LRRN1: variants seen among roughly 807,000 people sequenced by gnomAD.
LRRN1 encodes leucine-rich repeat neuronal protein 1.
LRRN1 carries 14 observed loss-of-function variants against 45.8 expected under a neutral mutation model. The observed-to-expected ratio is 0.31, with a 90% CI of 0.20 to 0.48. LRRN1 has a LOEUF of 0.48. Ranked by LOEUF, LRRN1 falls within the 20% of genes least tolerant of loss-of-function variation. The pLI is 0.99. For synonymous variants in LRRN1, 359 were observed against 330.1 expected (o/e 1.09, Z -0.95); for missense variants, 789 against 874.2 (o/e 0.90, Z 1.23).
chr3:3,841,448 C>CT (rs1257643533), intron 1 of LRRN1, among the ~76,000 whole-genome samples: 4 of 152,188 alleles, frequency 2.6e-5, no homozygotes, highest in Admixed American at 2.0e-4. Context: ...CAAGATTACT[C>CT]TAAACAGAAA....
At chr3:3,811,426 C>T (rs1361568803) in intron 1 of LRRN1, among the ~76,000 whole-genome samples, 2 of 152,182 alleles carry the variant, frequency 1.3e-5, no homozygotes, top group Non-Finnish European at 2.9e-5. Context: ...CCTATAAAAG[C>T]ATTTGGCACA....
intron 1 of LRRN1, among the ~76,000 whole-genome samples, chr3:3,828,982 CTTTT>C (rs1255994758): frequency 7.5e-6 from 1 of 133,120 alleles, no homozygotes. Flanking sequence ...GTTGTGTTTT[CTTTT>C]CTTTCTTTTT....
chr3:3,843,349 G>A (rs1473905934), intron 1 of LRRN1, among the ~76,000 whole-genome samples: 3 of 152,176 alleles, frequency 2.0e-5, no homozygotes, highest in Admixed American at 6.5e-5. Context: ...CCAATGGTAT[G>A]ACAGAATGAA....
chr3:3,842,070 G>C (rs1337219002), intron 1 of LRRN1, among the ~76,000 whole-genome samples: 1 of 152,114 alleles, frequency 6.6e-6, no homozygotes, highest in Non-Finnish European at 1.5e-5. Context: ...AACCTGTATA[G>C]CATGTTACTA....
At chr3:3,819,499 G>A (rs1016549907) in intron 1 of LRRN1, among the ~76,000 whole-genome samples, 3 of 152,144 alleles carry the variant, frequency 2.0e-5, no homozygotes, top group African/African-American at 4.8e-5. Flanking sequence ...GCTTCTGGGG[G>A]TTTGCTGGCA....
chr3:3,827,475 A>G lies in LRRN1; in HGVS notation c.-278-16889A>G, dbSNP rs999236827. The G allele has an allele frequency of 1.1e-5, 5 of 456,536 alleles. No homozygotes were observed. In the East Asian group the frequency reaches 2.1e-4, roughly 19 times the overall value. The allele number at this position is 456,536 out of a possible 1,614,324, so 28.3% of individuals were successfully genotyped here. A position where few individuals can be genotyped will look rare whatever the true frequency, so the allele number is the denominator to read the frequency against. Reference sequence around the variant, plus strand: ...TTGCCTCATGGAGTAGCTACAGGCAATGTTGGTGTTGAGGCAATCTATTTT... The same window carrying G: ...TTGCCTCATGGAGTAGCTACAGGCAGTGTTGGTGTTGAGGCAATCTATTTT... On this transcript the variant is annotated intron_variant, in intron 1 of 1. Transcript: ENST00000319331.
At chr3:3,834,446 A>G (rs1451212271) in intron 1 of LRRN1, among the ~76,000 whole-genome samples, 2 of 142,116 alleles carry the variant, frequency 1.4e-5, no homozygotes, top group Non-Finnish European at 3.0e-5. Flanking sequence ...AAAGAACTCC[A>G]TCCTTTAATA....
At chr3:3,812,350 T>TA (rs1400803414) in intron 1 of LRRN1, among the ~76,000 whole-genome samples, 20 of 152,142 alleles carry the variant, frequency 1.3e-4, no homozygotes, top group Admixed American at 5.2e-4. Context: ...AACTGACACT[T>TA]ATTTAAGCCA....
intron 1 of LRRN1, chr3:3,827,486 G>C: frequency 2.2e-6 from 1 of 456,610 alleles, no homozygotes; most frequent in South Asian, 1.5e-5. Context: ...TGTTGGTGTT[G>C]AGGCAATCTA....
At chr3:3,820,151 G>A (rs1181491930) in intron 1 of LRRN1, among the ~76,000 whole-genome samples, 2 of 152,114 alleles carry the variant, frequency 1.3e-5, no homozygotes, top group Admixed American at 6.5e-5. Context: ...TGCCCTGCTA[G>A]TTTTTAGAAT....
In LRRN1 at chr3:3,848,442, C is replaced by A. The variant is rs78611274; in HGVS notation, c.*1650C>A. ...TTCAAAAGGCAGCTGCCGCCAGGCACACAGCATTCCATCAGACAGGTGCCA... is the reference window on the plus strand; with the variant it reads ...TTCAAAAGGCAGCTGCCGCCAGGCAAACAGCATTCCATCAGACAGGTGCCA... On this transcript the variant is annotated 3_prime_UTR_variant, in exon 2 of 2. Coordinates refer to ENST00000319331, the MANE Select transcript of LRRN1 (RefSeq NM_020873.7). 5.9e-3 allele frequency among the ~76,000 whole-genome samples: 898 copies of A among 152,278 alleles called. 9 individuals are homozygous for A. Among genetic ancestry groups the A allele is most frequent in the Non-Finnish European group, 5.7e-3 (385 of 68,018 alleles).
At chr3:3,817,250 G>A (rs1310241275) in intron 1 of LRRN1, among the ~76,000 whole-genome samples, 6 of 152,102 alleles carry the variant, frequency 3.9e-5, no homozygotes, top group African/African-American at 1.4e-4. Context: ...TTTTCTTGCG[G>A]CGATTAAAAA....
chr3:3,800,437 G>A (rs1008204638), intron 1 of LRRN1, among the ~76,000 whole-genome samples: 5 of 152,198 alleles, frequency 3.3e-5, no homozygotes, highest in Non-Finnish European at 5.9e-5. Context: ...CTTGGCGGTG[G>A]CCTTGGTAAG....
At chr3:3,813,557 G>A (rs1255918970) in intron 1 of LRRN1, among the ~76,000 whole-genome samples, 1 of 152,008 alleles carries the variant, frequency 6.6e-6, no homozygotes, top group African/African-American at 2.4e-5. Flanking sequence ...TTACTAACCT[G>A]CTTTTCTGTG....
At chr3:3,842,848 C>A (rs982947587) in intron 1 of LRRN1, among the ~76,000 whole-genome samples, 4 of 152,170 alleles carry the variant, frequency 2.6e-5, no homozygotes, top group Admixed American at 2.6e-4. Flanking sequence ...GCTTTTTACA[C>A]CTGATTGGAA....
At chr3:3,825,003 G>C (rs866644984) in intron 1 of LRRN1, among the ~76,000 whole-genome samples, 14 of 152,264 alleles carry the variant, frequency 9.2e-5, no homozygotes, top group Middle Eastern at 3.4e-3. Context: ...CTTTTGATCA[G>C]TTGAAGTCAA....
rs1692990469 is a variant in LRRN1 at position 3,816,627 on chromosome 3, C to T, written c.-279+16708C>T. On this transcript the variant is annotated intron_variant, in intron 1 of 1. Transcript: ENST00000319331. The surrounding 1 kb of genome is among the most constrained non-coding windows in gnomAD (Gnocchi z 4.0). ...AATATATAACCACCCTTATTAAAGGCAAAAATATAGGTATTACAATTTGAA... is the reference window on the plus strand; with the variant it reads ...AATATATAACCACCCTTATTAAAGGTAAAAATATAGGTATTACAATTTGAA... 6.6e-6 allele frequency among the ~76,000 whole-genome samples: 1 copy of T among 152,042 alleles called. No individual in the cohort carries two copies. Among genetic ancestry groups the T allele is most frequent in the Non-Finnish European group, 1.5e-5 (1 of 68,002 alleles).
intron 1 of LRRN1, among the ~76,000 whole-genome samples, chr3:3,812,302 T>G (rs1382166781): frequency 6.6e-6 from 1 of 152,168 alleles, no homozygotes; most frequent in Non-Finnish European, 1.5e-5. Context: ...GCCAGGAGAA[T>G]GTAACATAAA....
At chr3:3,838,547 G>C (rs1484183131) in intron 1 of LRRN1, among the ~76,000 whole-genome samples, 1 of 152,160 alleles carries the variant, frequency 6.6e-6, no homozygotes, top group Non-Finnish European at 1.5e-5. Flanking sequence ...TATGTACCCT[G>C]AACTGGGACA....
Sources: gnomAD v4.1 joint callset for allele counts (sites outside exome capture counted in the v4.1 genomes callset) on GRCh38, gnomAD v4.1.1 for gene constraint, Gnocchi (gnomAD v3.1) non-coding constraint, MANE v1.5 for transcripts, NCBI Gene and HGNC (gene_info 2026-07-23, HGNC 2026-07-21) for gene names.